The following METTL24 variants were observed in gnomAD, a reference collection of about 807,000 sequenced individuals.
METTL24 encodes methyltransferase like 24.
In METTL24, 29 loss-of-function variants were observed where a neutral mutation model predicts 32.7. That is an observed-to-expected ratio of 0.89 (90% confidence interval 0.66 to 1.21). The LOEUF is 1.21. Among genes scored for constraint, METTL24 ranks in the 50% most tolerant of loss-of-function variants. The pLI is 0.00. For missense variants in METTL24, 439 were observed against 468.1 expected, an observed-to-expected ratio of 0.94 and a Z score of 0.57; for synonymous variants, 163 against 179.5, an observed-to-expected ratio of 0.91 and a Z score of 0.73.
intron 1 of METTL24, among the ~76,000 whole-genome samples, chr6:110,338,084 C>G (rs758186422): frequency 1.3e-5 from 2 of 152,144 alleles, no homozygotes; most frequent in Non-Finnish European, 2.9e-5. Context: ...GGGCTGAGGA[C>G]AATTTGTTTT....
At chr6:110,330,339 C>T (rs1353745747) in intron 1 of METTL24, among the ~76,000 whole-genome samples, 3 of 152,130 alleles carry the variant, frequency 2.0e-5, no homozygotes, top group Non-Finnish European at 4.4e-5. Flanking sequence ...TCTCTCTTCC[C>T]GCAGCTTGGC....
At chr6:110,351,684 TG>T (rs1729864948) in intron 1 of METTL24, among the ~76,000 whole-genome samples, 1 of 152,260 alleles carries the variant, frequency 6.6e-6, no homozygotes, top group African/African-American at 2.4e-5. Context: ...TCTCTAAGAA[TG>T]GCTTCCAGGA....
chr6:110,264,077 T>C (rs1285776359), intron 4 of METTL24, among the ~76,000 whole-genome samples: 1 of 151,916 alleles, frequency 6.6e-6, no homozygotes, highest in East Asian at 1.9e-4. Flanking sequence ...ACTTCATGTC[T>C]AAAACACCAA....
Position 110,333,668 on chromosome 6 carries a change from G to A in METTL24, c.319-10796C>T, listed in dbSNP as rs1233336543. On this transcript the variant is annotated intron_variant, in intron 1 of 4. Coordinates refer to ENST00000338882, the MANE Select transcript of METTL24 (RefSeq NM_001123364.3). ...TGTTGGCCAGGCTGGTCTCAAGCTC[G>A]TGACCTCAAATGACCTGCCCACCTC... Among the ~76,000 whole-genome samples the A allele has an allele frequency of 4.6e-5, 7 of 152,078 alleles. No individual in the cohort carries two copies. The East Asian group carries it at 5.8e-4, about 13-fold the overall frequency.
At chr6:110,327,757 G>A (rs1377934332) in intron 1 of METTL24, among the ~76,000 whole-genome samples, 2 of 152,140 alleles carry the variant, frequency 1.3e-5, no homozygotes, top group African/African-American at 2.4e-5. Flanking sequence ...ACCTTAAAAC[G>A]TCAATGGCAG....
chr6:110,288,237 G>A (rs1771258566), intron 4 of METTL24, among the ~76,000 whole-genome samples: 1 of 152,012 alleles, frequency 6.6e-6, no homozygotes, highest in Admixed American at 6.6e-5. Flanking sequence ...CTCCAAGAGT[G>A]GTACACACCT....
chr6:110,287,175 T>G (rs532362218), intron 4 of METTL24, among the ~76,000 whole-genome samples: 1 of 152,318 alleles, frequency 6.6e-6, no homozygotes, highest in African/African-American at 2.4e-5. Flanking sequence ...CCAAGACATT[T>G]TGCTACACCT....
intron 4 of METTL24, among the ~76,000 whole-genome samples, chr6:110,292,413 T>A (rs894189473): frequency 1.3e-5 from 2 of 152,216 alleles, no homozygotes; most frequent in African/African-American, 4.8e-5. Flanking sequence ...TTTCTCTTAA[T>A]ATGTCCAAGT....
At chr6:110,263,329 GACAA>G (rs1476323495) in intron 4 of METTL24, among the ~76,000 whole-genome samples, 2 of 152,054 alleles carry the variant, frequency 1.3e-5, no homozygotes, top group African/African-American at 2.4e-5. Context: ...ACCAATAACA[GACAA>G]ACAGAGAGCC....
chr6:110,343,561 A>T (rs1772406551), intron 1 of METTL24, among the ~76,000 whole-genome samples: 1 of 152,232 alleles, frequency 6.6e-6, no homozygotes, highest in Non-Finnish European at 1.5e-5. Context: ...GGGAAAACAG[A>T]GGAAGCTAAA....
At chr6:110,303,072 C>T (rs532734853) in intron 3 of METTL24, among the ~76,000 whole-genome samples, 1 of 152,202 alleles carries the variant, frequency 6.6e-6, no homozygotes, top group South Asian at 2.1e-4. Flanking sequence ...CGGGAAATCC[C>T]TCCCCTAGTC....
intron 3 of METTL24, among the ~76,000 whole-genome samples, chr6:110,303,453 A>C (rs187299684): frequency 9.1e-4 from 139 of 152,262 alleles, no homozygotes; most frequent in South Asian, 4.4e-3. Flanking sequence ...TCTGAAGTTG[A>C]CCTGGGATGC....
chr6:110,327,221 G>A (rs931807451), intron 1 of METTL24, among the ~76,000 whole-genome samples: 1 of 152,162 alleles, frequency 6.6e-6, no homozygotes, highest in Non-Finnish European at 1.5e-5. Context: ...AAGCCCAAAA[G>A]CACATCAAAG....
intron 4 of METTL24, among the ~76,000 whole-genome samples, chr6:110,288,348 C>G (rs1359636811): frequency 6.6e-6 from 1 of 152,156 alleles, no homozygotes; most frequent in Admixed American, 6.5e-5. Context: ...TCCGGAATCA[C>G]TACTTGCATG....
At position 110,299,016 on chromosome 6, in the gene METTL24, T is replaced by C. The variant is rs757373983; in HGVS notation, c.692A>G (p.Asp231Gly). 6 of 1,614,198 alleles carry C rather than the reference T, an allele frequency of 3.7e-6. No individual in the cohort carries two copies. The highest frequency in any genetic ancestry group is 1.7e-5 in the Admixed American group (1 of 60,024). ...AACAGCTGGATGGGGATCCCGCCAG[T>C]CAATGGACAAGCGGTGATACCAAAG... is the stretch of plus-strand genomic sequence containing the variant. ...QHLWYHRLSI[D>G]WRDPHPAVAA... The change falls in exon 4 of 5, where the codon GAC becomes GGC. Residue 231 changes from aspartate (D) to glycine (G), a missense_variant. Asp to Gly is a moderately conservative substitution (Grantham distance 94, BLOSUM62 -1). Transcript: ENST00000338882.
At chr6:110,251,235 A>G (rs1201292234) in intron 4 of METTL24, among the ~76,000 whole-genome samples, 1 of 152,228 alleles carries the variant, frequency 6.6e-6, no homozygotes, top group Admixed American at 6.5e-5. Context: ...CCTAGTAATT[A>G]AAAGCAATAT....
intron 3 of METTL24, 30 bp from the exon 4 acceptor site, chr6:110,299,180 C>T (rs2114732136): frequency 6.3e-7 from 1 of 1,590,876 alleles, no homozygotes; most frequent in Non-Finnish European, 8.6e-7. Context: ...AAATCAACAA[C>T]AAAAAATGCA....
At chr6:110,327,802 T>A (rs1303410223) in intron 1 of METTL24, among the ~76,000 whole-genome samples, 1 of 152,238 alleles carries the variant, frequency 6.6e-6, no homozygotes, top group Non-Finnish European at 1.5e-5. Context: ...ATCTTTCCCT[T>A]TTTAAAACCT....
intron 4 of METTL24, among the ~76,000 whole-genome samples, chr6:110,269,531 C>T (rs1314907446): frequency 6.6e-6 from 1 of 152,168 alleles, no homozygotes; most frequent in African/African-American, 2.4e-5. Context: ...AATGCACCCA[C>T]ACAATTTAAC....
Sources: allele counts gnomAD v4.1 joint callset (sites outside exome capture counted in the v4.1 genomes callset), GRCh38; gene constraint gnomAD v4.1.1; transcripts MANE v1.5; gene names NCBI Gene and HGNC (gene_info 2026-07-23, HGNC 2026-07-21).